GPHA2: variants seen among roughly 807,000 people sequenced by gnomAD.
GPHA2 encodes the protein glycoprotein hormone alpha-2.
A neutral mutation model predicts 15.3 loss-of-function variants in GPHA2; 12 were observed. That is an observed-to-expected ratio of 0.78 (90% CI 0.50 to 1.27). The LOEUF is 1.27. Ranked by LOEUF, GPHA2 falls within the 50% of genes most tolerant of loss-of-function variation. The pLI, the probability that GPHA2 is intolerant of heterozygous loss-of-function variation, is 0.00. For synonymous variants in GPHA2, 61 were observed against 66.8 expected, an observed-to-expected ratio of 0.91 and a Z score of 0.42; for missense variants, 156 against 169.5, an observed-to-expected ratio of 0.92 and a Z score of 0.44.
At chr11:64,936,484 A>G (rs1945295076), upstream of GPHA2, among the ~76,000 whole-genome samples, 1 of 152,028 alleles carries the variant, frequency 6.6e-6, no homozygotes, top group Admixed American at 6.6e-5. Flanking sequence ...GGATTTTGCC[A>G]TGTTGCCCAT....
At position 64,935,172 on chromosome 11, in the gene GPHA2, A is replaced by C; in HGVS notation, c.107T>G (p.Phe36Cys). Reference sequence around the variant, plus strand: ...GCGGTCACTTCGCACTGTCACATTGAAGGCTAGAAGGAGATAGGCAAGCAG... The same window carrying C: ...GCGGTCACTTCGCACTGTCACATTGCAGGCTAGAAGGAGATAGGCAAGCAG... ...AVIPGCHLHPFNVTVRSDRQG... is the reference protein window; with the variant it reads ...AVIPGCHLHPCNVTVRSDRQG... The change falls in exon 3 of 4, where the codon TTC (phenylalanine) becomes TGC (cysteine). Residue 36 changes from phenylalanine (F) to cysteine (C), a missense_variant. Coordinates refer to ENST00000279168, the MANE Select transcript of GPHA2 (RefSeq NM_130769.4). 6.2e-7 allele frequency: 1 copy of C among 1,612,380 alleles called. No homozygotes were observed. Among genetic ancestry groups the C allele is most frequent in the Non-Finnish European group, 8.5e-7 (1 of 1,179,260 alleles).
At chr11:64,934,928 T>G in intron 3 of GPHA2, 54 bp from the exon 4 acceptor site, 1 of 1,611,990 alleles carries the variant, frequency 6.2e-7, no homozygotes, top group Non-Finnish European at 8.5e-7. Context: ...CTGTCTAGGA[T>G]CTCCATCTCT....
upstream of GPHA2, among the ~76,000 whole-genome samples, chr11:64,936,231 G>A (rs531525316): frequency 6.6e-6 from 1 of 152,170 alleles, no homozygotes; most frequent in East Asian, 1.9e-4. Flanking sequence ...TGTGACCTTG[G>A]ACAGAACATT....
Position 64,935,125 on chromosome 11 carries a change from G to A in GPHA2, c.154C>T (p.His52Tyr). The A allele has an allele frequency of 6.2e-7, 1 of 1,614,014 alleles. No homozygotes were observed. Among genetic ancestry groups the A allele is most frequent in the Non-Finnish European group, 8.5e-7 (1 of 1,180,000 alleles). The part of the protein sequence containing the change: ...SDRQGTCQGS[H>Y]VAQACVGHCE... ...TGGCCCACACAGGCCTGTGCCACGT[G>A]GGAGCCCTGGCAGGTGCCTTGGCGG... The change falls in exon 3 of 4, where the codon CAC becomes TAC. Residue 52 changes from histidine (H) to tyrosine (Y), a missense_variant. By Grantham distance (83) the His-to-Tyr change is moderately conservative. Coordinates refer to ENST00000279168, the MANE Select transcript of GPHA2 (RefSeq NM_130769.4).
intron 1 of GPHA2, 45 bp from the exon 2 acceptor site, chr11:64,935,505 G>A (rs750439948): frequency 1.5e-6 from 2 of 1,340,074 alleles, no homozygotes; most frequent in Admixed American, 4.8e-5. Flanking sequence ...GTGCAGGTGG[G>A]ATGGCGAGTT....
chr11:64,935,504 G>T, intron 1 of GPHA2, 44 bp from the exon 2 acceptor site: 1 of 1,354,166 alleles, frequency 7.4e-7, no homozygotes, highest in Non-Finnish European at 1.0e-6. Context: ...TGTGCAGGTG[G>T]GATGGCGAGT....
At chr11:64,935,924 T>C (rs1289090104), upstream of GPHA2, 1 of 153,418 alleles carries the variant, frequency 6.5e-6, no homozygotes, top group Admixed American at 6.5e-5. Flanking sequence ...GGCTTTTATT[T>C]GCCAGCATTT....
In GPHA2 at chr11:64,935,160, A is replaced by G. The variant is rs749849071; in HGVS notation, c.119T>C (p.Val40Ala). Residue 40 changes from valine to alanine, a missense_variant, in exon 3 of 4, where the codon GTG becomes GCG. Physicochemically the swap from Val to Ala is moderately conservative, Grantham distance 64. Coordinates refer to ENST00000279168, the MANE Select transcript of GPHA2 (RefSeq NM_130769.4). ...GCHLHPFNVT[V>A]RSDRQGTCQG... ...GCAGGTGCCTTGGCGGTCACTTCGC[A>G]CTGTCACATTGAAGGCTAGAAGGAG... The G allele has an allele frequency of 4.3e-6, 7 of 1,613,414 alleles. No individual in the cohort carries two copies. The African/African-American group carries it at 8.0e-5, about 18-fold the overall frequency.
In GPHA2 at chr11:64,935,417, A is replaced by G. The variant is rs1405542210; in HGVS notation, c.44T>C (p.Val15Ala). 1.2e-6 allele frequency: 2 copies of G among 1,610,076 alleles called. No individual in the cohort carries two copies. Among genetic ancestry groups the G allele is most frequent in the Non-Finnish European group, 1.7e-6 (2 of 1,178,520 alleles). Residue 15 changes from valine (V) to alanine (A), a missense_variant, in exon 2 of 4, where the codon GTC becomes GCC. Val to Ala is a moderately conservative substitution (Grantham distance 64, BLOSUM62 0). Coordinates refer to ENST00000279168, the MANE Select transcript of GPHA2 (RefSeq NM_130769.4). ...SPQTLVLYLL[V>A]LAVTEAWGQE... ...GCCCCAGGCTTCAGTGACTGCCAGGACCAGCAGATAGAGGACCAGGGTTTG... is the reference window on the plus strand; with the variant it reads ...GCCCCAGGCTTCAGTGACTGCCAGGGCCAGCAGATAGAGGACCAGGGTTTG...
chr11:64,937,344 G>C (rs76861344), upstream of GPHA2, among the ~76,000 whole-genome samples: 131 of 152,326 alleles, frequency 8.6e-4, no homozygotes, highest in African/African-American at 3.0e-3. Context: ...CACAGCTCCA[G>C]ATTTGGAGCT....
intron 1 of GPHA2, 178 bp from the exon 2 acceptor site, chr11:64,935,638 TG>T: frequency 1.9e-6 from 1 of 521,892 alleles, no homozygotes; most frequent in Non-Finnish European, 3.4e-6. Flanking sequence ...TGTGTATGGG[TG>T]TGAGTGTGAG....
rs970463465 is a variant in GPHA2 at position 64,934,509 on chromosome 11, G to A, written c.*264C>T. The A allele has an allele frequency of 3.5e-6, 2 of 569,050 alleles. No individual in the cohort carries two copies. Among genetic ancestry groups the A allele is most frequent in the African/African-American group, 1.9e-5 (1 of 53,248 alleles). The allele number at this position is 569,050 out of a possible 1,614,324, so 35.3% of individuals were successfully genotyped here. A position where few individuals can be genotyped will look rare whatever the true frequency, so the allele number is the denominator to read the frequency against. On this transcript the variant is annotated 3_prime_UTR_variant, in exon 4 of 4. Coordinates refer to ENST00000279168, the MANE Select transcript of GPHA2 (RefSeq NM_130769.4). ...TGCTTTATTTAGGGGTAAGGGCAAA[G>A]AGGGAAGTAAAATGATGAAAGATTG...
intron 2 of GPHA2, 46 bp downstream of exon 2, chr11:64,935,312 C>A: frequency 6.6e-7 from 1 of 1,510,892 alleles, no homozygotes; most frequent in South Asian, 1.2e-5. Context: ...TTGCTCCCAC[C>A]CAGAACCTCC....
At position 64,935,449 on chromosome 11, in the gene GPHA2, C is replaced by T. The variant is rs376582387; in HGVS notation, c.12G>A (p.Ala4=). Reference sequence around the variant, plus strand: ...GATAGAGGACCAGGGTTTGAGGGGACGCCATAGGCATCTGAAACACAGTGG... The same window carrying T: ...GATAGAGGACCAGGGTTTGAGGGGATGCCATAGGCATCTGAAACACAGTGG... MPM[A]SPQTLVLYLL... Residue 4 remains alanine (A), a synonymous_variant, in exon 2 of 4, where the codon GCG becomes GCA. Coordinates refer to ENST00000279168, the MANE Select transcript of GPHA2 (RefSeq NM_130769.4). The T allele has an allele frequency of 3.0e-5, 48 of 1,603,090 alleles. 1 individual carries two copies. Among genetic ancestry groups the T allele is most frequent in the Middle Eastern group, 3.3e-4 (2 of 5,992 alleles).
Position 64,935,025 on chromosome 11 carries a change from A to G in GPHA2, c.254T>C (p.Val85Ala). Reference protein sequence around the residue: ...ASGYRHNITSVSQCCTISGLK... With the variant: ...ASGYRHNITSASQCCTISGLK... The stretch of plus-strand genomic sequence containing the variant: ...GCCACTGATGGTGCAGCACTGAGAG[A>G]CGGAGGTGATGTTGTGTCGGTAACC... The change falls in exon 3 of 4, where the codon GTC becomes GCC. Residue 85 changes from valine (V) to alanine (A), a missense_variant. By Grantham distance (64) the Val-to-Ala change is moderately conservative (BLOSUM62 0). Transcript: ENST00000279168. 1 of 1,613,752 alleles carries G rather than the reference A, an allele frequency of 6.2e-7. No homozygotes were observed. Among genetic ancestry groups the G allele is most frequent in the Non-Finnish European group, 8.5e-7 (1 of 1,179,910 alleles).
rs1469481738 is a variant in GPHA2 at position 64,935,031 on chromosome 11, G to T, written c.248C>A (p.Thr83Asn). 6 of 1,614,102 alleles carry T rather than the reference G, an allele frequency of 3.7e-6. No individual in the cohort carries two copies. In the Admixed American group the frequency reaches 1.0e-4, roughly 27 times the overall value. The change falls in exon 3 of 4, where the codon ACC becomes AAC. Residue 83 changes from threonine (T) to asparagine (N), a missense_variant. Transcript: ENST00000279168. ...GATGGTGCAGCACTGAGAGACGGAG[G>T]TGATGTTGTGTCGGTAACCACTGGC... ...LVASGYRHNI[T>N]SVSQCCTISG...
At chr11:64,935,548 G>A in intron 1 of GPHA2, 88 bp from the exon 2 acceptor site, 2 of 865,518 alleles carry the variant, frequency 2.3e-6, no homozygotes. Context: ...GAGTGAGCCA[G>A]GGCTGGCTGG....
rs1945268568 is a variant in GPHA2, at chr11:64,934,623, T to A, written c.*150A>T. On this transcript the variant is annotated 3_prime_UTR_variant, in exon 4 of 4. Transcript: ENST00000279168. ...ACAAAATCTTACAAAGGATCAAAGC[T>A]GGAACAACCCTCCCCTTATTTAAAA... 1.5e-6 allele frequency: 1 copy of A among 658,818 alleles called. No individual in the cohort carries two copies. The highest frequency in any genetic ancestry group is 2.7e-6 in the Non-Finnish European group (1 of 369,192). The allele number at this position is 658,818 out of a possible 1,614,324, so 40.8% of individuals were successfully genotyped here. A position where few individuals can be genotyped will look rare whatever the true frequency, so the allele number is the denominator to read the frequency against.
chr11:64,934,631 C>T lies in GPHA2; in HGVS notation c.*142G>A. ...TTACAAAGGATCAAAGCTGGAACAA[C>T]CCTCCCCTTATTTAAAAAAATTCCA... On this transcript the variant is annotated 3_prime_UTR_variant, in exon 4 of 4. Transcript: ENST00000279168. 4.4e-6 allele frequency: 3 copies of T among 688,610 alleles called. No individual in the cohort carries two copies. Among genetic ancestry groups the T allele is most frequent in the South Asian group, 1.7e-5 (1 of 58,216 alleles). 42.7% of individuals were successfully genotyped at this position (688,610 alleles called of 1,614,324 possible).
Sources: allele counts gnomAD v4.1 joint callset (sites outside exome capture counted in the v4.1 genomes callset), GRCh38; gene constraint gnomAD v4.1.1; transcripts MANE v1.5; gene names NCBI Gene and HGNC (gene_info 2026-07-23, HGNC 2026-07-21).